The following BBS9 variants were observed in gnomAD, a reference collection of about 807,000 sequenced individuals.
BBS9 encodes the protein Bardet-Biedl syndrome 9.
In BBS9, 89 loss-of-function variants were observed where a neutral mutation model predicts 117.7. The ratio of observed to expected loss-of-function variants is 0.76; its 90% confidence interval spans 0.64 to 0.90. BBS9 has a LOEUF of 0.90. Among genes scored for constraint, BBS9 ranks in the 40% least tolerant of loss-of-function variants. BBS9 has a pLI of 0.00. For missense variants in BBS9, 982 were observed against 1,042.2 expected, an observed-to-expected ratio of 0.94 and a Z score of 0.80; for synonymous variants, 379 against 370.9, an observed-to-expected ratio of 1.02 and a Z score of -0.25.
intron 19 of BBS9, among the ~76,000 whole-genome samples, chr7:33,503,681 G>A (rs1476546862): frequency 6.6e-6 from 1 of 151,464 alleles, no homozygotes; most frequent in Non-Finnish European, 1.5e-5. Context: ...TGGACTTTTT[G>A]ACAATAAGCA....
intron 20 of BBS9, among the ~76,000 whole-genome samples, chr7:33,524,631 C>T (rs1849183756): frequency 6.6e-6 from 1 of 151,872 alleles, no homozygotes; most frequent in African/African-American, 2.4e-5. Flanking sequence ...CTATTTGATT[C>T]TTCTCTCTTT....
intron 9 of BBS9, among the ~76,000 whole-genome samples, chr7:33,305,339 C>T (rs1174352638): frequency 1.3e-5 from 2 of 152,066 alleles, no homozygotes; most frequent in African/African-American, 4.8e-5. Flanking sequence ...TGTCAATATT[C>T]ATCAGGGATA....
At chr7:33,528,371 CTTAGGT>C (rs1014044343) in intron 20 of BBS9, among the ~76,000 whole-genome samples, 3 of 151,980 alleles carry the variant, frequency 2.0e-5, no homozygotes, top group African/African-American at 7.3e-5. Context: ...TTCTCTCTCT[CTTAGGT>C]TTAACTGTGT....
intron 21 of BBS9, among the ~76,000 whole-genome samples, chr7:33,620,335 C>G (rs1865342046): frequency 6.6e-6 from 1 of 151,774 alleles, no homozygotes; most frequent in African/African-American, 2.4e-5. Flanking sequence ...ATCCTTAGGA[C>G]TCCTTAAAAA....
chr7:33,228,508 G>C (rs1225077845), intron 5 of BBS9, among the ~76,000 whole-genome samples: 1 of 152,000 alleles, frequency 6.6e-6, no homozygotes, highest in Admixed American at 6.6e-5. Flanking sequence ...AACAGTGTGG[G>C]GGTTAGGGAT....
intron 21 of BBS9, among the ~76,000 whole-genome samples, chr7:33,553,966 G>A (rs1854875713): frequency 6.6e-6 from 1 of 152,072 alleles, no homozygotes; most frequent in Non-Finnish European, 1.5e-5. Context: ...TTGTGGTGGA[G>A]GCTACTTTCG....
At chr7:33,129,290 G>A (rs994230347), upstream of BBS9, 2 of 551,164 alleles carry the variant, frequency 3.6e-6, no homozygotes, top group Admixed American at 3.3e-5. Context: ...CGGCCGGGGG[G>A]GCGTGGCCTG....
chr7:33,134,569 A>G (rs891146357), intron 1 of BBS9, among the ~76,000 whole-genome samples: 3 of 152,054 alleles, frequency 2.0e-5, no homozygotes, highest in East Asian at 3.9e-4. Context: ...AAAAGTTTTT[A>G]GTTTTGATAA....
intron 21 of BBS9, among the ~76,000 whole-genome samples, chr7:33,584,285 A>G (rs1585361453): frequency 6.6e-6 from 1 of 151,862 alleles, no homozygotes; most frequent in East Asian, 1.9e-4. Flanking sequence ...GGAAATTATG[A>G]TTATTCTTTT....
At chr7:33,345,479 AT>A (rs1376865923) in intron 12 of BBS9, among the ~76,000 whole-genome samples, 1 of 152,196 alleles carries the variant, frequency 6.6e-6, no homozygotes, top group Non-Finnish European at 1.5e-5. Context: ...AGCTTTACCA[AT>A]TGTGTTCGCT....
rs188709348 is a variant in BBS9 at position 33,301,668 on chromosome 7, G to A, written c.1016+27712G>A. ...TATAGGTACCACATTTTCTTTATCC[G>A]TTTTTCTGTTGATGGACACTTAGTT... On this transcript the variant is annotated intron_variant, in intron 9 of 22. Transcript: ENST00000242067. Among the ~76,000 whole-genome samples the A allele has an allele frequency of 4.6e-3, 703 of 151,976 alleles. 8 individuals carry two copies. The highest frequency in any genetic ancestry group is 4.6e-3 in the East Asian group (24 of 5,180).
chr7:33,457,935 C>T (rs937875777), intron 19 of BBS9, among the ~76,000 whole-genome samples: 4 of 152,128 alleles, frequency 2.6e-5, no homozygotes, highest in Admixed American at 6.6e-5. Context: ...GGTTAAGTGA[C>T]GTTCAAGTAA....
At chr7:33,462,673 T>C (rs1012906596) in intron 19 of BBS9, among the ~76,000 whole-genome samples, 7 of 152,184 alleles carry the variant, frequency 4.6e-5, no homozygotes, top group Admixed American at 2.6e-4. Context: ...AAAATGAACT[T>C]AGGCACATGC....
At chr7:33,492,796 T>A (rs943523504) in intron 19 of BBS9, among the ~76,000 whole-genome samples, 7 of 143,360 alleles carry the variant, frequency 4.9e-5, no homozygotes, top group Admixed American at 1.5e-4. Flanking sequence ...GCACTTATCA[T>A]CTAGTATAGG....
chr7:33,258,787 T>C (rs1350364438), intron 6 of BBS9, among the ~76,000 whole-genome samples: 1 of 152,196 alleles, frequency 6.6e-6, no homozygotes, highest in East Asian at 1.9e-4. Flanking sequence ...AATATGTGCA[T>C]AGGAATTAAT....
chr7:33,549,124 A>G (rs1469741176), intron 21 of BBS9, among the ~76,000 whole-genome samples: 1 of 147,108 alleles, frequency 6.8e-6, no homozygotes. Context: ...ATAACGCCGC[A>G]TATCTACAGC....
At chr7:33,583,477 A>G (rs1860355432) in intron 21 of BBS9, among the ~76,000 whole-genome samples, 2 of 152,064 alleles carry the variant, frequency 1.3e-5, no homozygotes, top group East Asian at 3.9e-4. Flanking sequence ...TTTCACATAT[A>G]GTTTTTGTTT....
chr7:33,586,122 G>A (rs1282186367), intron 21 of BBS9, among the ~76,000 whole-genome samples: 1 of 151,994 alleles, frequency 6.6e-6, no homozygotes, highest in African/African-American at 2.4e-5. Flanking sequence ...TTGCCCGGGA[G>A]CTAACTTGAT....
At chr7:33,429,676 TA>T (rs201817287) in intron 19 of BBS9, among the ~76,000 whole-genome samples, 2,129 of 152,186 alleles carry the variant, frequency 0.014, 56 homozygotes, top group African/African-American at 0.049. Context: ...TTTATTTATT[TA>T]TTTTTTTCTG....
Sources: gnomAD v4.1 joint callset for allele counts (sites outside exome capture counted in the v4.1 genomes callset) on GRCh38, gnomAD v4.1.1 for gene constraint, MANE v1.5 for transcripts, NCBI Gene and HGNC (gene_info 2026-07-23, HGNC 2026-07-21) for gene names.